Variants in EML3 observed in about 807,000 individuals in gnomAD.
EML3 encodes EMAP like 3, also known as echinoderm microtubule-associated protein-like 3.
A neutral mutation model predicts 106.7 loss-of-function variants in EML3; 53 were observed. The observed-to-expected ratio is 0.50, with a 90% CI of 0.40 to 0.62. The LOEUF (loss-of-function observed/expected upper bound fraction) is 0.62. Among genes scored for constraint, EML3 ranks in the 20% least tolerant of loss-of-function variants. The pLI is 0.00. For synonymous variants in EML3, 499 were observed against 489.6 expected (o/e 1.02, Z -0.25); for missense variants, 994 against 1,209.1 (o/e 0.82, Z 2.64).
Position 62,611,303 on chromosome 11 carries a change from G to T in EML3, c.236C>A (p.Ser79Tyr). Reference sequence around the variant, plus strand: ...CGTCTGGGTGCCTCGGCTCACCAAGGAAGGGGTGCACGTGGGTGGCAGTCC... The same window carrying T: ...CGTCTGGGTGCCTCGGCTCACCAAGTAAGGGGTGCACGTGGGTGGCAGTCC... Reference protein sequence around the residue: ...PPGLPPTCTPSLVSRGTQTET... With the variant: ...PPGLPPTCTPYLVSRGTQTET... The change falls in exon 3 of 22, where the codon TCC becomes TAC. Residue 79 changes from serine (S) to tyrosine (Y), a missense_variant. Coordinates refer to ENST00000394773, the MANE Select transcript of EML3 (RefSeq NM_153265.3). The T allele has an allele frequency of 1.2e-6, 2 of 1,613,044 alleles. No homozygotes were observed. Among genetic ancestry groups the T allele is most frequent in the Non-Finnish European group, 1.7e-6 (2 of 1,179,888 alleles).
At chr11:62,610,784 G>A in intron 4 of EML3, 95 bp downstream of exon 4, 2 of 1,109,410 alleles carry the variant, frequency 1.8e-6, no homozygotes, top group Non-Finnish European at 1.3e-6. Flanking sequence ...GGGCAATCAG[G>A]TCCCCCCACC....
intron 10 of EML3, 49 bp downstream of exon 10, chr11:62,608,152 A>T (rs535820959): frequency 6.4e-7 from 1 of 1,565,358 alleles, no homozygotes; most frequent in East Asian, 2.2e-5. Flanking sequence ...GCACTCCACC[A>T]CTCCCACCCC....
At position 62,612,120 on chromosome 11, in the gene EML3, G is replaced by A. The variant is rs1942861734; in HGVS notation, c.22+316C>T. The A allele has an allele frequency of 1.9e-5, 9 of 476,398 alleles. No individual in the cohort carries two copies. The East Asian group carries it at 2.0e-4, about 10-fold the overall frequency. The allele number at this position is 476,398 out of a possible 1,614,324, so 29.5% of individuals were successfully genotyped here. A position where few individuals can be genotyped will look rare whatever the true frequency, so the allele number is the denominator to read the frequency against. On this transcript the variant is annotated intron_variant, in intron 1 of 21. Transcript: ENST00000394773. ...AGTGGTGAGCAGAGTCACAGTGAAG[G>A]TCTCAGGGGGCAGTGGGGATCAGAA...
chr11:62,607,063 A>G lies in EML3; in HGVS notation c.1399T>C (p.Phe467Leu). 6.2e-7 allele frequency: 1 copy of G among 1,614,124 alleles called. No individual in the cohort carries two copies. Among genetic ancestry groups the G allele is most frequent in the Non-Finnish European group, 8.5e-7 (1 of 1,179,992 alleles). The change falls in exon 12 of 22, where the codon TTC becomes CTC. Residue 467 changes from phenylalanine (F) to leucine (L), a missense_variant. Physicochemically the swap from Phe to Leu is conservative, Grantham distance 22 (BLOSUM62 0). Transcript: ENST00000394773. Reference protein sequence around the residue: ...KKPKFIPCFVFLPDGDILTGD... With the variant: ...KKPKFIPCFVLLPDGDILTGD... The stretch of plus-strand genomic sequence containing the variant: ...GTGAGAATGTCTCCATCCGGAAGGA[A>G]CACAAAGCAAGGGATAAACTTGGGT...
rs1034394952 is a variant in EML3, at chr11:62,602,484, G to C, written c.2682C>G (p.Leu894=). 6 of 1,535,516 alleles carry C rather than the reference G, an allele frequency of 3.9e-6. No individual in the cohort carries two copies. The highest frequency in any genetic ancestry group is 2.5e-5 in the East Asian group (1 of 40,490). ...TCCCGCCAGGCAGCGATCAAACGTC[G>C]AGGGAGGAGGCGGGGGACAGGGAGG... is the stretch of plus-strand genomic sequence containing the variant. The part of the protein sequence containing the change: ...RTPSLSPASS[L]DV Residue 894 remains leucine (L), a synonymous_variant, in exon 22 of 22, where the codon CTC becomes CTG. Coordinates refer to ENST00000394773, the MANE Select transcript of EML3 (RefSeq NM_153265.3).
At position 62,611,514 on chromosome 11, in the gene EML3, T is replaced by C. The variant is rs1302322348; in HGVS notation, c.105A>G (p.Ala35=). 6.2e-7 allele frequency: 1 copy of C among 1,613,692 alleles called. No homozygotes were observed. Among genetic ancestry groups the C allele is most frequent in the African/African-American group, 1.3e-5 (1 of 74,942 alleles). ...VQEQEMELVK[A]ALAEALRLLR... Reference sequence around the variant, plus strand: ...GCAGGCGAAGGGCTTCTGCCAGGGCTGCCTTTACCAGTTCCATCTCCTGCT... The same window carrying C: ...GCAGGCGAAGGGCTTCTGCCAGGGCCGCCTTTACCAGTTCCATCTCCTGCT... Residue 35 remains alanine, a synonymous_variant, in exon 2 of 22, where the codon GCA becomes GCG. Transcript: ENST00000394773.
chr11:62,611,414 G>A lies in EML3; in HGVS notation c.194+11C>T, dbSNP rs771175557. The stretch of plus-strand genomic sequence containing the variant: ...AGGAGGAGGAAAAATGGGGTGTGAT[G>A]ACATGCATACCTGTCCCCCGGAGGA... On this transcript the variant is annotated intron_variant, in intron 2 of 21. Transcript: ENST00000394773. 6 of 1,613,726 alleles carry A rather than the reference G, an allele frequency of 3.7e-6. No individual in the cohort carries two copies. The South Asian group carries it at 5.5e-5, about 15-fold the overall frequency.
At chr11:62,607,542 GAAA>G (rs112711782) in intron 11 of EML3, 121 bp downstream of exon 11, 76 of 950,446 alleles carry the variant, frequency 8.0e-5, no homozygotes, top group South Asian at 1.5e-4. Flanking sequence ...CGTCTCAAAA[GAAA>G]AAAAAAAAAA....
chr11:62,610,652 A>G (rs73500293), intron 4 of EML3, among the ~76,000 whole-genome samples: 1,525 of 152,324 alleles, frequency 0.01, 25 homozygotes, highest in African/African-American at 0.035. Context: ...AATGAGCAGC[A>G]TGAGACCACC....
chr11:62,605,321 T>C lies in EML3; in HGVS notation c.1915-141A>G. 2.4e-6 allele frequency: 2 copies of C among 841,512 alleles called. No individual in the cohort carries two copies. Among genetic ancestry groups the C allele is most frequent in the Non-Finnish European group, 1.8e-6 (1 of 556,730 alleles). 52.1% of individuals were successfully genotyped at this position (841,512 alleles called of 1,614,324 possible). ...GAGGGAAGGGATACCCGGGTATCAC[T>C]GGAGCCTGAACAGGGAGTGATACCA... On this transcript the variant is annotated intron_variant, in intron 15 of 21. Coordinates refer to ENST00000394773, the MANE Select transcript of EML3 (RefSeq NM_153265.3). The surrounding 1 kb of genome is among the most constrained non-coding windows in gnomAD (Gnocchi z 5.2).
Position 62,607,092 on chromosome 11 carries a change from T to C in EML3, c.1370A>G (p.Lys457Arg), listed in dbSNP as rs560927478. ...AAAGCAAGGGATAAACTTGGGTTTC[T>C]TGTATTTCTAGTGGGAGGGGAGAGC... ...TRKQGVFGKY[K>R]KPKFIPCFVF... Residue 457 changes from lysine (K) to arginine (R), a missense_variant, in exon 12 of 22, where the codon AAG (lysine) becomes AGG (arginine). Transcript: ENST00000394773. 6 of 1,613,880 alleles carry C rather than the reference T, an allele frequency of 3.7e-6. No homozygotes were observed. In the Admixed American group the frequency reaches 6.7e-5, roughly 18 times the overall value.
Position 62,612,584 on chromosome 11 carries a change from A to G in EML3, c.-127T>C. On this transcript the variant is annotated 5_prime_UTR_variant, in exon 1 of 22. Coordinates refer to ENST00000394773, the MANE Select transcript of EML3 (RefSeq NM_153265.3). Reference sequence around the variant, plus strand: ...CGAAGGGCGCCGTACCACCACCCCGAGGGGGCGCTGTCGGGCGCGGGGAAG... The same window carrying G: ...CGAAGGGCGCCGTACCACCACCCCGGGGGGGCGCTGTCGGGCGCGGGGAAG... 1 of 973,462 alleles carries G rather than the reference A, an allele frequency of 1.0e-6. No individual in the cohort carries two copies. Among genetic ancestry groups the G allele is most frequent in the South Asian group, 2.9e-5 (1 of 34,870 alleles). 60.3% of individuals were successfully genotyped at this position (973,462 alleles called of 1,614,324 possible).
At chr11:62,607,405 G>A (rs1333546584) in intron 11 of EML3, 21 of 462,846 alleles carry the variant, frequency 4.5e-5, no homozygotes, top group East Asian at 3.6e-5. Flanking sequence ...ATCAGCCGGC[G>A]CGCATCTGTA....
At chr11:62,612,224 C>G (rs1404948007) in intron 1 of EML3, 1 of 527,106 alleles carries the variant, frequency 1.9e-6, no homozygotes, top group African/African-American at 2.0e-5. Flanking sequence ...CCCGGAGTTA[C>G]GTGGGGCGTA....
At chr11:62,612,355 G>A in intron 1 of EML3, 81 bp downstream of exon 1, 4 of 1,402,080 alleles carry the variant, frequency 2.9e-6, no homozygotes, top group Non-Finnish European at 3.8e-6. Flanking sequence ...GACGCCTCCA[G>A]ACAGCCGTCC....
At chr11:62,609,229 A>C in intron 6 of EML3, 97 bp from the exon 7 acceptor site, 1 of 1,575,870 alleles carries the variant, frequency 6.3e-7, no homozygotes, top group Non-Finnish European at 8.6e-7. Flanking sequence ...GGCCTAGAGC[A>C]GAATGATGGT....
Position 62,612,591 on chromosome 11 carries a change from G to T in EML3, c.-134C>A. ...CGCCGTACCACCACCCCGAGGGGGCGCTGTCGGGCGCGGGGAAGGGGCCTG... is the reference window on the plus strand; with the variant it reads ...CGCCGTACCACCACCCCGAGGGGGCTCTGTCGGGCGCGGGGAAGGGGCCTG... On this transcript the variant is annotated 5_prime_UTR_variant, in exon 1 of 22. Coordinates refer to ENST00000394773, the MANE Select transcript of EML3 (RefSeq NM_153265.3). The T allele has an allele frequency of 1.1e-6, 1 of 886,204 alleles. No individual in the cohort carries two copies. Among genetic ancestry groups the T allele is most frequent in the African/African-American group, 1.8e-5 (1 of 56,276 alleles). The allele number at this position is 886,204 out of a possible 1,614,324, so 54.9% of individuals were successfully genotyped here. A position where few individuals can be genotyped will look rare whatever the true frequency, so the allele number is the denominator to read the frequency against.
chr11:62,612,564 G>C lies in EML3; in HGVS notation c.-107C>G. The C allele has an allele frequency of 8.7e-7, 1 of 1,147,186 alleles. No homozygotes were observed. The highest frequency in any genetic ancestry group is 1.1e-6 in the Non-Finnish European group (1 of 887,454). The allele number at this position is 1,147,186 out of a possible 1,614,324, so 71.1% of individuals were successfully genotyped here. A position where few individuals can be genotyped will look rare whatever the true frequency, so the allele number is the denominator to read the frequency against. On this transcript the variant is annotated 5_prime_UTR_variant, in exon 1 of 22. Coordinates refer to ENST00000394773, the MANE Select transcript of EML3 (RefSeq NM_153265.3). Reference sequence around the variant, plus strand: ...GAAGCACCCCGGGGCGCGCGCGAAGGGCGCCGTACCACCACCCCGAGGGGG... The same window carrying C: ...GAAGCACCCCGGGGCGCGCGCGAAGCGCGCCGTACCACCACCCCGAGGGGG...
chr11:62,605,652 A>G lies in EML3; in HGVS notation c.1904T>C (p.Ile635Thr). Residue 635 changes from isoleucine to threonine, a missense_variant, in exon 15 of 22, where the codon ATC (isoleucine) becomes ACC (threonine). Coordinates refer to ENST00000394773, the MANE Select transcript of EML3 (RefSeq NM_153265.3). The surrounding 1 kb of genome is among the most constrained non-coding windows in gnomAD (Gnocchi z 5.2). ...GGCACAGGGCTCTACCTTGAGGTCG[A>G]TGCTCCAGGCCAGTGCATGGCTCTC... is the stretch of plus-strand genomic sequence containing the variant. ...DGESHALAWS[I>T]DLKETGLCAD... The G allele has an allele frequency of 6.5e-7, 1 of 1,544,888 alleles. No homozygotes were observed. The highest frequency in any genetic ancestry group is 8.7e-7 in the Non-Finnish European group (1 of 1,146,250).
Sources: allele counts gnomAD v4.1 joint callset (sites outside exome capture counted in the v4.1 genomes callset), GRCh38; gene constraint gnomAD v4.1.1; non-coding constraint Gnocchi (gnomAD v3.1); transcripts MANE v1.5; gene names NCBI Gene and HGNC (gene_info 2026-07-23, HGNC 2026-07-21).